Variants in SORCS1 observed in about 807,000 individuals in gnomAD.
SORCS1 encodes sortilin related VPS10 domain containing receptor 1, also known as VPS10 domain-containing receptor SorCS1.
SORCS1 carries 60 observed loss-of-function variants against 146.1 expected under a neutral mutation model. That is an observed-to-expected ratio of 0.41 (90% CI 0.33 to 0.51). SORCS1 has a LOEUF of 0.51. Ranked by LOEUF, SORCS1 falls within the 20% of genes least tolerant of loss-of-function variation. SORCS1 has a pLI of 0.21. For missense variants in SORCS1, 1,352 were observed against 1,487.6 expected (o/e 0.91, Z 1.50); for synonymous variants, 637 against 584.0 (o/e 1.09, Z -1.31).
At chr10:106,687,360 A>C (rs1409333798) in intron 10 of SORCS1, among the ~76,000 whole-genome samples, 1 of 152,194 alleles carries the variant, frequency 6.6e-6, no homozygotes, top group Non-Finnish European at 1.5e-5. Context: ...ATACTGCCCA[A>C]ATGTAAGGCA....
At chr10:106,903,450 C>G (rs1294601508) in intron 2 of SORCS1, among the ~76,000 whole-genome samples, 1 of 152,210 alleles carries the variant, frequency 6.6e-6, no homozygotes, top group Non-Finnish European at 1.5e-5. Flanking sequence ...ACAAATGTTA[C>G]AGAATATAAA....
rs374262535 is a variant in SORCS1, at chr10:106,639,910, C to G, written c.2476-10522G>C. On this transcript the variant is annotated intron_variant, in intron 18 of 25. Transcript: ENST00000263054. ...GCACGTGCCTGTTACCCCAGCTACT[C>G]GGGAGGCTGAGGGAGGAGAATTGCT... Among the ~76,000 whole-genome samples the G allele has an allele frequency of 3.9e-5, 6 of 151,968 alleles. No homozygotes were observed. The East Asian group carries it at 1.2e-3, about 29-fold the overall frequency.
chr10:106,582,451 T>C (rs1456530324), intron 24 of SORCS1, among the ~76,000 whole-genome samples: 1 of 152,184 alleles, frequency 6.6e-6, no homozygotes, highest in Non-Finnish European at 1.5e-5. Flanking sequence ...CTGCCCTCTG[T>C]TCCGTGGGTG....
chr10:106,992,627 T>A (rs906908959), intron 1 of SORCS1, among the ~76,000 whole-genome samples: 12 of 151,696 alleles, frequency 7.9e-5, no homozygotes, highest in Non-Finnish European at 1.5e-4. Context: ...CCCTAGTAGC[T>A]GAGACTATAG....
intron 1 of SORCS1, among the ~76,000 whole-genome samples, chr10:107,083,294 A>G (rs1186612253): frequency 6.6e-6 from 1 of 152,174 alleles, no homozygotes; most frequent in Non-Finnish European, 1.5e-5. Context: ...AATAAAATCT[A>G]AAGCAACATC....
chr10:106,886,756 C>T (rs1589633085), intron 2 of SORCS1, among the ~76,000 whole-genome samples: 2 of 152,238 alleles, frequency 1.3e-5, no homozygotes, highest in South Asian at 4.1e-4. Flanking sequence ...CCCTATAATG[C>T]CATAAAGCTC....
chr10:106,770,263 T>G (rs1420501760), intron 4 of SORCS1, among the ~76,000 whole-genome samples: 5 of 152,170 alleles, frequency 3.3e-5, no homozygotes, highest in Non-Finnish European at 5.9e-5. Context: ...TCATAAACTG[T>G]GATCCTTTGG....
At chr10:107,175,158 T>C in the SORCS1 span, among the ~76,000 whole-genome samples, 6 of 152,210 alleles carry the variant, frequency 3.9e-5, no homozygotes, top group Non-Finnish European at 7.3e-5. Context: ...GATTTGTTTA[T>C]ATTTTGTTTA....
chr10:107,033,983 A>G (rs1201263955), intron 1 of SORCS1, among the ~76,000 whole-genome samples: 1 of 152,188 alleles, frequency 6.6e-6, no homozygotes, highest in Non-Finnish European at 1.5e-5. Context: ...GGGAGAAGTG[A>G]GATACAATTA....
At chr10:107,180,346 T>C in the SORCS1 span, among the ~76,000 whole-genome samples, 2 of 152,246 alleles carry the variant, frequency 1.3e-5, no homozygotes, top group African/African-American at 4.8e-5. Flanking sequence ...TTTACATTTA[T>C]GTTCATGACT....
intron 5 of SORCS1, among the ~76,000 whole-genome samples, chr10:106,756,249 G>A (rs992771571): frequency 6.6e-6 from 1 of 152,148 alleles, no homozygotes; most frequent in African/African-American, 2.4e-5. Context: ...AATAGAGATA[G>A]AAATAGATAT....
At chr10:107,006,236 AAGCTCT>A (rs1957436282) in intron 1 of SORCS1, among the ~76,000 whole-genome samples, 1 of 152,174 alleles carries the variant, frequency 6.6e-6, no homozygotes, top group African/African-American at 2.4e-5. Context: ...GGATGACAAA[AAGCTCT>A]TAACCTATAT....
chr10:107,106,254 C>T (rs950203865), intron 1 of SORCS1, among the ~76,000 whole-genome samples: 3 of 152,120 alleles, frequency 2.0e-5, no homozygotes, highest in Non-Finnish European at 2.9e-5. Context: ...TTGGCAAAAG[C>T]AAGATGCTTT....
In SORCS1 at chr10:106,844,185, T is replaced by C. The variant is rs76969198; in HGVS notation, c.627-14512A>G. On this transcript the variant is annotated intron_variant, in intron 2 of 25. Coordinates refer to ENST00000263054, the MANE Select transcript of SORCS1 (RefSeq NM_052918.5). Reference sequence around the variant, plus strand: ...TACTATTGGCTTTTTATATGCCATCTTTGGAAAAATGCCTATTCGTGTTCT... The same window carrying C: ...TACTATTGGCTTTTTATATGCCATCCTTGGAAAAATGCCTATTCGTGTTCT... Among the ~76,000 whole-genome samples the C allele has an allele frequency of 2.7e-3, 411 of 152,370 alleles. 1 individual carries two copies. Among genetic ancestry groups the C allele is most frequent in the African/African-American group, 8.8e-3 (367 of 41,588 alleles).
chr10:106,842,432 C>A (rs1949091594), intron 2 of SORCS1, among the ~76,000 whole-genome samples: 1 of 152,174 alleles, frequency 6.6e-6, no homozygotes, highest in African/African-American at 2.4e-5. Flanking sequence ...CAGGGTTTCG[C>A]CATGTTGGCC....
At chr10:106,714,023 T>C (rs1006827855) in intron 6 of SORCS1, among the ~76,000 whole-genome samples, 1 of 148,394 alleles carries the variant, frequency 6.7e-6, no homozygotes, top group African/African-American at 2.5e-5. Flanking sequence ...TCCCAGCTAC[T>C]TGGCTGGGAG....
intron 18 of SORCS1, among the ~76,000 whole-genome samples, chr10:106,633,898 G>A (rs746444442): frequency 5.8e-4 from 88 of 152,278 alleles, no homozygotes; most frequent in Non-Finnish European, 1.1e-3. Flanking sequence ...TCTGAGGTCT[G>A]CAGCCGATGC....
intron 1 of SORCS1, among the ~76,000 whole-genome samples, chr10:107,080,622 C>T (rs866167455): frequency 2.0e-5 from 3 of 152,100 alleles, no homozygotes; most frequent in Admixed American, 1.3e-4. Flanking sequence ...GTTCTGTAAC[C>T]GACACAATAA....
intron 3 of SORCS1, among the ~76,000 whole-genome samples, chr10:106,824,363 G>A (rs1011390601): frequency 2.2e-4 from 33 of 151,260 alleles, no homozygotes; most frequent in Non-Finnish European, 2.1e-4. Context: ...AGGCCGAGGC[G>A]GGTGGATCAT....
Sources: allele counts gnomAD v4.1 joint callset (sites outside exome capture counted in the v4.1 genomes callset), GRCh38; gene constraint gnomAD v4.1.1; transcripts MANE v1.5; gene names NCBI Gene and HGNC (gene_info 2026-07-23, HGNC 2026-07-21).